PLSCR2: variants seen among roughly 807,000 people sequenced by gnomAD.
PLSCR2 encodes phospholipid scramblase 2, also known as PL scramblase 2.
In PLSCR2, 18 loss-of-function variants were observed where a neutral mutation model predicts 25.3. The observed-to-expected ratio is 0.71, with a 90% CI of 0.49 to 1.06. The LOEUF (loss-of-function observed/expected upper bound fraction) is 1.06, where lower values mean the gene tolerates loss of function less well. PLSCR2 is among the 50% of genes least tolerant of loss of function. The pLI is 0.00. For missense variants in PLSCR2, 243 were observed against 269.5 expected, an observed-to-expected ratio of 0.90 and a Z score of 0.69; for synonymous variants, 88 against 87.3, an observed-to-expected ratio of 1.01 and a Z score of -0.04.
intron 1 of PLSCR2, among the ~76,000 whole-genome samples, chr3:146,478,045 T>G (rs376953307): frequency 6.6e-6 from 1 of 151,918 alleles, no homozygotes; most frequent in African/African-American, 2.4e-5. Context: ...ACTAACAAAC[T>G]GAAAGGAATA....
chr3:146,396,891 T>A (rs1214398459), intron 2 of PLSCR2, among the ~76,000 whole-genome samples: 2 of 152,130 alleles, frequency 1.3e-5, no homozygotes, highest in Admixed American at 1.3e-4. Flanking sequence ...CAACAAAATA[T>A]CTTATCTCTT....
chr3:146,416,193 G>A (rs566160337), intron 2 of PLSCR2, among the ~76,000 whole-genome samples: 23 of 151,782 alleles, frequency 1.5e-4, no homozygotes, highest in African/African-American at 5.1e-4. Context: ...CTCATGATCC[G>A]CCCGCCTCAG....
chr3:146,422,813 A>G (rs943389557), intron 2 of PLSCR2, among the ~76,000 whole-genome samples: 2 of 152,056 alleles, frequency 1.3e-5, no homozygotes, highest in African/African-American at 4.8e-5. Flanking sequence ...GTAACTCTAA[A>G]TTACTCTTCA....
chr3:146,436,252 G>A (rs558587516), intron 8 of PLSCR2, among the ~76,000 whole-genome samples: 1 of 152,158 alleles, frequency 6.6e-6, no homozygotes, highest in Non-Finnish European at 1.5e-5. Context: ...TCTTGGCAAT[G>A]TGGGCTCTTT....
chr3:146,438,768 A>G (rs2108210092), downstream of PLSCR2, among the ~76,000 whole-genome samples: 2 of 152,258 alleles, frequency 1.3e-5, 1 homozygote, highest in South Asian at 4.1e-4. Flanking sequence ...CATTTAGCCC[A>G]TTTACATTTA....
chr3:146,430,087 T>C (rs2039495872), downstream of PLSCR2, among the ~76,000 whole-genome samples: 1 of 152,124 alleles, frequency 6.6e-6, no homozygotes, highest in South Asian at 2.1e-4. Flanking sequence ...GTATAAAAAT[T>C]TGAAGCATAG....
chr3:146,455,015 C>T lies in PLSCR2; in HGVS notation c.321+224G>A, dbSNP rs560058958. Among the ~76,000 whole-genome samples, 4 of 152,304 alleles carry T rather than the reference C, an allele frequency of 2.6e-5. No individual in the cohort carries two copies. In the East Asian group the frequency reaches 7.7e-4, roughly 29 times the overall value. Reference sequence around the variant, plus strand: ...CCTTTAATATCAAGAACTCTCATTTCTGAGCAGTTGCTCAACCCCATGAGG... The same window carrying T: ...CCTTTAATATCAAGAACTCTCATTTTTGAGCAGTTGCTCAACCCCATGAGG... On this transcript the variant is annotated intron_variant, in intron 4 of 6. Transcript: ENST00000610787.
At chr3:146,398,555 T>C (rs2038352650) in intron 2 of PLSCR2, 2 of 151,280 alleles carry the variant, frequency 1.3e-5, no homozygotes, top group Admixed American at 1.3e-4. Flanking sequence ...ATTTTCATAA[T>C]AATATTCTTT....
At chr3:146,455,246 A>C in exon 4 of PLSCR2, 1 of 1,610,368 alleles carries the variant, frequency 6.2e-7, no homozygotes, top group East Asian at 2.2e-5. Context: ...TACCTCCTGA[A>C]GGCAGCAGGG....
chr3:146,456,110 C>T (rs1359680917), intron 3 of PLSCR2, among the ~76,000 whole-genome samples: 1 of 152,146 alleles, frequency 6.6e-6, no homozygotes, highest in Non-Finnish European at 1.5e-5. Flanking sequence ...ATCAGGGCTT[C>T]AACTCAGAAT....
intron 1 of PLSCR2, among the ~76,000 whole-genome samples, chr3:146,493,017 C>T (rs72986620): frequency 0.02 from 3,024 of 151,716 alleles, 87 homozygotes; most frequent in African/African-American, 0.069. Context: ...TCTCAAAGAC[C>T]GTTACAAACA....
chr3:146,422,869 AG>A (rs1047890140), intron 2 of PLSCR2, among the ~76,000 whole-genome samples: 2 of 152,064 alleles, frequency 1.3e-5, no homozygotes, highest in African/African-American at 4.8e-5. Context: ...AAAACCTAGA[AG>A]CATAGGGGTA....
intron 1 of PLSCR2, among the ~76,000 whole-genome samples, chr3:146,476,472 T>C (rs1159651651): frequency 6.6e-6 from 1 of 152,070 alleles, no homozygotes; most frequent in Admixed American, 6.5e-5. Context: ...TCTCAACAGC[T>C]ACTCAGTTGG....
intron 2 of PLSCR2, among the ~76,000 whole-genome samples, chr3:146,400,363 T>G (rs978491060): frequency 1.3e-5 from 2 of 151,420 alleles, no homozygotes; most frequent in African/African-American, 2.4e-5. Context: ...AAAAGTAAAG[T>G]TTAAATAAAA....
At chr3:146,428,062 A>G (rs73865704) in intron 2 of PLSCR2, among the ~76,000 whole-genome samples, 12,492 of 152,204 alleles carry the variant, frequency 0.082, 665 homozygotes, top group African/African-American at 0.14. Context: ...TTGCAAACAA[A>G]TGCACTTCTG....
intron 1 of PLSCR2, among the ~76,000 whole-genome samples, chr3:146,487,822 G>A (rs57573417): frequency 0.028 from 4,229 of 151,842 alleles, 223 homozygotes; most frequent in African/African-American, 0.096. Context: ...AAAAAAAACT[G>A]CTTTAAATTT....
intron 2 of PLSCR2, among the ~76,000 whole-genome samples, chr3:146,415,533 C>T (rs185738127): frequency 3.2e-4 from 48 of 151,432 alleles, no homozygotes; most frequent in African/African-American, 1.1e-3. Flanking sequence ...TAGTTTTTAC[C>T]CAAATGCTAA....
chr3:146,447,153 T>C (rs1216936430), intron 6 of PLSCR2, among the ~76,000 whole-genome samples: 2 of 152,170 alleles, frequency 1.3e-5, no homozygotes, highest in African/African-American at 4.8e-5. Context: ...GCCTGGAACA[T>C]GGACTCTAGA....
At chr3:146,475,286 T>C (rs1338883667) in intron 1 of PLSCR2, among the ~76,000 whole-genome samples, 1 of 152,098 alleles carries the variant, frequency 6.6e-6, no homozygotes. Context: ...GTTTGCCTAG[T>C]TTCAGTCTTT....
Sources: gnomAD v4.1 joint callset for allele counts (sites outside exome capture counted in the v4.1 genomes callset) on GRCh38, gnomAD v4.1.1 for gene constraint, MANE v1.5 for transcripts, NCBI Gene and HGNC (gene_info 2026-07-23, HGNC 2026-07-21) for gene names.